The following GLIS3 variants were observed in gnomAD, a reference collection of about 807,000 sequenced individuals.
The protein encoded by GLIS3 is GLIS family zinc finger 3.
GLIS3 carries 53 observed loss-of-function variants against 78.6 expected under a neutral mutation model. The observed-to-expected ratio is 0.67, with a 90% confidence interval of 0.54 to 0.85. The LOEUF (loss-of-function observed/expected upper bound fraction) is 0.85. Among genes scored for constraint, GLIS3 ranks in the 40% least tolerant of loss-of-function variants. GLIS3 has a pLI of 0.00. For synonymous variants in GLIS3, 684 were observed against 509.9 expected (o/e 1.34, Z -4.60); for missense variants, 1,703 against 1,231.1 (o/e 1.38, Z -5.74).
At chr9:4,191,595 T>G (rs1356871119) in intron 2 of GLIS3, among the ~76,000 whole-genome samples, 1 of 152,234 alleles carries the variant, frequency 6.6e-6, no homozygotes, top group African/African-American at 2.4e-5. Flanking sequence ...CTTCCTTTCA[T>G]TCTTATTAAC....
chr9:4,052,367 A>T (rs1215852218), intron 4 of GLIS3, among the ~76,000 whole-genome samples: 3 of 152,212 alleles, frequency 2.0e-5, no homozygotes, highest in Non-Finnish European at 4.4e-5. Context: ...TAGCCATTTA[A>T]AAGTACATAC....
chr9:4,329,432 C>T (rs183795025), intron 2 of GLIS3, among the ~76,000 whole-genome samples: 52 of 151,802 alleles, frequency 3.4e-4, no homozygotes, highest in African/African-American at 1.1e-3. Flanking sequence ...GATAAAATGC[C>T]CCCCAGTGGT....
At chr9:4,289,214 A>T (rs1023609729) in intron 1 of GLIS3, among the ~76,000 whole-genome samples, 22 of 152,196 alleles carry the variant, frequency 1.4e-4, no homozygotes, top group African/African-American at 5.3e-4. Context: ...TAAAAAGTTC[A>T]GGAATTTGGA....
At chr9:3,926,780 G>T (rs1825287662) in intron 6 of GLIS3, among the ~76,000 whole-genome samples, 1 of 152,066 alleles carries the variant, frequency 6.6e-6, no homozygotes, top group African/African-American at 2.4e-5. Flanking sequence ...ACGCCACCAT[G>T]CCTGGCTAAT....
chr9:4,089,796 G>A (rs1452364404), intron 4 of GLIS3, among the ~76,000 whole-genome samples: 1 of 152,044 alleles, frequency 6.6e-6, no homozygotes, highest in Non-Finnish European at 1.5e-5. Flanking sequence ...TCTAGCCTGG[G>A]CAACAAACAA....
intron 2 of GLIS3, among the ~76,000 whole-genome samples, chr9:4,258,754 T>G (rs958318699): frequency 4.6e-5 from 7 of 152,182 alleles, no homozygotes; most frequent in African/African-American, 1.4e-4. Context: ...AATTGCTAGC[T>G]ACATGGGTCA....
At chr9:3,979,584 C>T (rs112926397) in intron 4 of GLIS3, among the ~76,000 whole-genome samples, 2,305 of 152,196 alleles carry the variant, frequency 0.015, 61 homozygotes, top group African/African-American at 0.052. Context: ...CTTCAGGAAG[C>T]CTTCTTGGAC....
upstream of GLIS3, among the ~76,000 whole-genome samples, chr9:4,303,608 T>C (rs1214378456): frequency 1.3e-5 from 2 of 152,198 alleles, no homozygotes; most frequent in African/African-American, 4.8e-5. Flanking sequence ...TCTTTTCCTT[T>C]CTAAAGTCAA....
At chr9:4,297,993 G>A (rs1002237346) in intron 1 of GLIS3, among the ~76,000 whole-genome samples, 1 of 152,162 alleles carries the variant, frequency 6.6e-6, no homozygotes, top group Non-Finnish European at 1.5e-5. Context: ...GCGCGGCTGC[G>A]ACCCCGTCAC....
intron 4 of GLIS3, among the ~76,000 whole-genome samples, chr9:4,095,601 G>A (rs558482545): frequency 6.6e-6 from 1 of 152,242 alleles, no homozygotes; most frequent in South Asian, 2.1e-4. Context: ...GAGTTCTAAT[G>A]TTTCCTCTAC....
chr9:4,027,790 C>G (rs1424943290), intron 4 of GLIS3, among the ~76,000 whole-genome samples: 1 of 152,216 alleles, frequency 6.6e-6, no homozygotes, highest in African/African-American at 2.4e-5. Flanking sequence ...ACGAGGCATT[C>G]AGACACCTGT....
At chr9:4,083,327 C>A (rs1025095496) in intron 4 of GLIS3, among the ~76,000 whole-genome samples, 4 of 152,096 alleles carry the variant, frequency 2.6e-5, no homozygotes, top group African/African-American at 4.8e-5. Flanking sequence ...CTAATCAATA[C>A]CCTACTCTTT....
At position 3,892,624 on chromosome 9, in the gene GLIS3, A is replaced by G. The variant is rs117807962; in HGVS notation, c.2128+6067T>C. ...AGATTTTCAGTACCCATACAAGTAT[A>G]AAAAAGATGAAATTTCACTGTGGCT... On this transcript the variant is annotated intron_variant, in intron 7 of 10. Coordinates refer to ENST00000381971, the MANE Select transcript of GLIS3 (RefSeq NM_001042413.2). Among the ~76,000 whole-genome samples, 498 of 152,292 alleles carry G rather than the reference A, an allele frequency of 3.3e-3. 4 individuals are homozygous for G. The highest frequency in any genetic ancestry group is 5.9e-3 in the Non-Finnish European group (404 of 68,014).
chr9:4,335,555 C>T (rs968449209), intron 2 of GLIS3, among the ~76,000 whole-genome samples: 26 of 152,210 alleles, frequency 1.7e-4, no homozygotes, highest in Admixed American at 1.4e-3. Flanking sequence ...TTCAGTGGTT[C>T]TGGTGTCTAT....
intron 6 of GLIS3, among the ~76,000 whole-genome samples, chr9:3,924,819 CT>C (rs1267505272): frequency 6.6e-6 from 1 of 152,128 alleles, no homozygotes; most frequent in Non-Finnish European, 1.5e-5. Flanking sequence ...AGAGCCTGAG[CT>C]AAACACTTTT....
the GLIS3 span, among the ~76,000 whole-genome samples, chr9:4,354,999 C>T: frequency 6.6e-4 from 101 of 151,972 alleles, 1 homozygote; most frequent in Non-Finnish European, 1.4e-3. Context: ...GCCTGTAGTC[C>T]CAGGTACTCG....
intron 4 of GLIS3, among the ~76,000 whole-genome samples, chr9:3,987,924 A>C (rs1399207438): frequency 6.6e-6 from 1 of 152,092 alleles, no homozygotes; most frequent in East Asian, 1.9e-4. Flanking sequence ...AATAATCCAG[A>C]GAAAAACGAT....
chr9:4,212,916 G>C (rs767343749), intron 2 of GLIS3, among the ~76,000 whole-genome samples: 3 of 152,160 alleles, frequency 2.0e-5, no homozygotes, highest in Non-Finnish European at 2.9e-5. Context: ...CAGCAAGTGA[G>C]TAATATAATC....
Position 4,286,383 on chromosome 9 carries a change from C to T in GLIS3, c.43G>A (p.Gly15Arg), listed in dbSNP as rs750241757. The T allele has an allele frequency of 6.2e-7, 1 of 1,614,160 alleles. No homozygotes were observed. The highest frequency in any genetic ancestry group is 1.7e-5 in the Admixed American group (1 of 60,026). The change falls in exon 2 of 11, where the codon GGA (glycine) becomes AGA (arginine). Residue 15 changes from glycine (G) to arginine (R), a missense_variant. Physicochemically the swap from Gly to Arg is moderately radical, Grantham distance 125. Coordinates refer to ENST00000381971, the MANE Select transcript of GLIS3 (RefSeq NM_001042413.2). ...SCSMSLHRTSGTPQGPRMVSG... is the reference protein window; with the variant it reads ...SCSMSLHRTSRTPQGPRMVSG... ...ACCATCCTAGGCCCCTGTGGGGTTC[C>T]CGATGTCCGGTGGAGACTCATGCTG...
Sources: gnomAD v4.1 joint callset for allele counts (sites outside exome capture counted in the v4.1 genomes callset) on GRCh38, gnomAD v4.1.1 for gene constraint, MANE v1.5 for transcripts, NCBI Gene and HGNC (gene_info 2026-07-23, HGNC 2026-07-21) for gene names.